Variants in SCYL3 observed in about 807,000 individuals in gnomAD.
The protein encoded by SCYL3 is protein-associating with the carboxyl-terminal domain of ezrin.
A neutral mutation model predicts 73.8 loss-of-function variants in SCYL3; 35 were observed. That is an observed-to-expected ratio of 0.47 (90% CI 0.36 to 0.63). SCYL3 has a LOEUF of 0.63. SCYL3 is among the 20% of genes least tolerant of loss of function. SCYL3 has a pLI of 0.00. For synonymous variants in SCYL3, 277 were observed against 295.2 expected (o/e 0.94, Z 0.63); for missense variants, 712 against 798.9 (o/e 0.89, Z 1.31).
intron 5 of SCYL3, 63 bp downstream of exon 5, chr1:169,873,633 T>C: frequency 8.5e-7 from 1 of 1,181,620 alleles, no homozygotes; most frequent in Non-Finnish European, 1.2e-6. Context: ...AGGAAAGTTT[T>C]TTAAAATTTC....
At position 169,862,776 on chromosome 1, in the gene SCYL3, G is replaced by C; in HGVS notation, c.977C>G (p.Pro326Arg). The C allele has an allele frequency of 6.2e-7, 1 of 1,614,092 alleles. No individual in the cohort carries two copies. Among genetic ancestry groups the C allele is most frequent in the Non-Finnish European group, 8.5e-7 (1 of 1,180,012 alleles). Residue 326 changes from proline (P) to arginine (R), a missense_variant, in exon 10 of 13, where the codon CCT becomes CGT. By Grantham distance (103) the Pro-to-Arg change is moderately radical. Transcript: ENST00000367771. The stretch of plus-strand genomic sequence containing the variant: ...GAACAGGGCTGGTGAGAGCAAGCAA[G>C]GAGTTTCTCCCTGCGCATGATCTAC... ...PKKDHAQGETPCLLSPALFQS... is the reference protein window; with the variant it reads ...PKKDHAQGETRCLLSPALFQS...
rs183777223 is a variant in SCYL3 at position 169,849,726 on chromosome 1, G to A, written c.*3987C>T. 2.4e-3 allele frequency: 1,718 copies of A among 730,648 alleles called. 19 individuals are homozygous for A. Among genetic ancestry groups the A allele is most frequent in the Non-Finnish European group, 9.7e-4 (425 of 437,408 alleles). The allele number at this position is 730,648 out of a possible 1,614,324, so 45.3% of individuals were successfully genotyped here. ...TATTGCAATCGGAAAATTGTCTGAAGGGTACATTACTCGTTATCTCTTTTA... is the reference window on the plus strand; with the variant it reads ...TATTGCAATCGGAAAATTGTCTGAAAGGTACATTACTCGTTATCTCTTTTA... On this transcript the variant is annotated 3_prime_UTR_variant, in exon 13 of 13. Coordinates refer to ENST00000367771, the MANE Select transcript of SCYL3 (RefSeq NM_020423.7).
At chr1:169,889,030 G>A (rs529515541) in intron 1 of SCYL3, 140 bp from the exon 2 acceptor site, 14 of 453,082 alleles carry the variant, frequency 3.1e-5, no homozygotes, top group Admixed American at 1.2e-4. Context: ...AATGGTAAAC[G>A]CTCTGCAAGT....
At chr1:169,881,670 CAT>C (rs1307359583) in intron 2 of SCYL3, among the ~76,000 whole-genome samples, 2 of 152,166 alleles carry the variant, frequency 1.3e-5, no homozygotes, top group Non-Finnish European at 2.9e-5. Flanking sequence ...TTAGATTCCA[CAT>C]GAGTGAGATC....
chr1:169,850,473 G>T lies in SCYL3; in HGVS notation c.*3240C>A, dbSNP rs1430176030. The T allele has an allele frequency of 8.0e-6, 5 of 627,378 alleles. No individual in the cohort carries two copies. Among genetic ancestry groups the T allele is most frequent in the Non-Finnish European group, 1.1e-5 (4 of 360,050 alleles). The allele number at this position is 627,378 out of a possible 1,614,324, so 38.9% of individuals were successfully genotyped here. A position where few individuals can be genotyped will look rare whatever the true frequency, so the allele number is the denominator to read the frequency against. ...TCACAGTGCTGAGCACAGTGCTGACGACTTTTACTAAGCAATTGAGGCCAC... is the reference window on the plus strand; with the variant it reads ...TCACAGTGCTGAGCACAGTGCTGACTACTTTTACTAAGCAATTGAGGCCAC... On this transcript the variant is annotated 3_prime_UTR_variant, in exon 13 of 13. Coordinates refer to ENST00000367771, the MANE Select transcript of SCYL3 (RefSeq NM_020423.7).
At chr1:169,858,943 T>C in intron 11 of SCYL3, 98 bp downstream of exon 11, 1 of 1,038,160 alleles carries the variant, frequency 9.6e-7, no homozygotes, top group African/African-American at 1.7e-5. Flanking sequence ...TACTTCTTTA[T>C]ATCATTTGAC....
Position 169,862,758 on chromosome 1 carries a change from G to A in SCYL3, c.995C>T (p.Ala332Val). 1 of 1,614,210 alleles carries A rather than the reference G, an allele frequency of 6.2e-7. No homozygotes were observed. ...GGGGATCACCCGTGACTGGAACAGG[G>A]CTGGTGAGAGCAAGCAAGGAGTTTC... is the stretch of plus-strand genomic sequence containing the variant. Reference protein sequence around the residue: ...QGETPCLLSPALFQSRVIPVL... With the variant: ...QGETPCLLSPVLFQSRVIPVL... Residue 332 changes from alanine (A) to valine (V), a missense_variant, in exon 10 of 13, where the codon GCC (alanine) becomes GTC (valine). Around this residue, in one of 2 missense-constraint regions of SCYL3, gnomAD observed 342 missense variants for 448.1 expected, o/e 0.76. Transcript: ENST00000367771.
intron 1 of SCYL3, among the ~76,000 whole-genome samples, chr1:169,890,606 C>A (rs182439251): frequency 1.3e-5 from 2 of 152,276 alleles, no homozygotes; most frequent in East Asian, 3.9e-4. Context: ...AAGTGCCTAC[C>A]GATCCACAAC....
At chr1:169,853,917 T>C (rs1290157698) in intron 12 of SCYL3, 145 bp from the exon 13 acceptor site, 2 of 864,420 alleles carry the variant, frequency 2.3e-6, no homozygotes, top group East Asian at 5.1e-5. Flanking sequence ...CTTAGAGCTC[T>C]AACAGAAAGT....
chr1:169,850,571 G>A lies in SCYL3; in HGVS notation c.*3142C>T. The A allele has an allele frequency of 2.5e-6, 1 of 393,124 alleles. No individual in the cohort carries two copies. 24.4% of individuals were successfully genotyped at this position (393,124 alleles called of 1,614,324 possible). The stretch of plus-strand genomic sequence containing the variant: ...CCAGCACTTTGGGAGGCCAAGGTGG[G>A]TGGATCATGAGGTCAGGAGTTCAAG... On this transcript the variant is annotated 3_prime_UTR_variant, in exon 13 of 13. Coordinates refer to ENST00000367771, the MANE Select transcript of SCYL3 (RefSeq NM_020423.7).
chr1:169,887,882 A>C (rs940508151), intron 2 of SCYL3, among the ~76,000 whole-genome samples: 1 of 152,224 alleles, frequency 6.6e-6, no homozygotes, highest in African/African-American at 2.4e-5. Context: ...CCTATGAAAC[A>C]GACATCAATG....
chr1:169,860,163 AC>A, intron 10 of SCYL3: 1 of 152,380 alleles, frequency 6.6e-6, no homozygotes, highest in African/African-American at 2.4e-5. Flanking sequence ...CAAAAGTCAA[AC>A]AAATGCAGAC....
At chr1:169,857,561 C>T (rs1293522102) in intron 11 of SCYL3, among the ~76,000 whole-genome samples, 1 of 152,122 alleles carries the variant, frequency 6.6e-6, no homozygotes, top group Non-Finnish European at 1.5e-5. Context: ...GAAATGGATG[C>T]AGTATCCATG....
chr1:169,870,767 AT>A (rs1456176196), intron 5 of SCYL3, among the ~76,000 whole-genome samples: 9 of 150,386 alleles, frequency 6.0e-5, no homozygotes, highest in Admixed American at 4.0e-4. Flanking sequence ...TTTTTTTTTT[AT>A]AAAATGCTAG....
rs548826349 is a variant in SCYL3 at position 169,852,297 on chromosome 1, A to T, written c.*1416T>A. On this transcript the variant is annotated 3_prime_UTR_variant, in exon 13 of 13. Coordinates refer to ENST00000367771, the MANE Select transcript of SCYL3 (RefSeq NM_020423.7). Reference sequence around the variant, plus strand: ...CCTTATTAATCAAATGAGTCTCCTAATAATTTTTGGCAGTAACTGAAGATC... The same window carrying T: ...CCTTATTAATCAAATGAGTCTCCTATTAATTTTTGGCAGTAACTGAAGATC... 2.9e-5 allele frequency: 9 copies of T among 309,288 alleles called. No individual in the cohort carries two copies. Among genetic ancestry groups the T allele is most frequent in the Non-Finnish European group, 5.5e-5 (9 of 164,164 alleles). 19.2% of individuals were successfully genotyped at this position (309,288 alleles called of 1,614,324 possible).
At chr1:169,890,382 T>C (rs920264569) in intron 1 of SCYL3, among the ~76,000 whole-genome samples, 5 of 152,224 alleles carry the variant, frequency 3.3e-5, no homozygotes, top group East Asian at 1.9e-4. Flanking sequence ...TCTGGCAATG[T>C]AGAAAGCAAA....
intron 1 of SCYL3, among the ~76,000 whole-genome samples, chr1:169,890,462 C>G (rs1411055103): frequency 6.6e-6 from 1 of 152,106 alleles, no homozygotes; most frequent in African/African-American, 2.4e-5. Context: ...ATTCTTTGGA[C>G]AAATATAAAC....
chr1:169,878,725 G>A lies in SCYL3; in HGVS notation c.260C>T (p.Pro87Leu). The A allele has an allele frequency of 1.2e-6, 2 of 1,614,130 alleles. No individual in the cohort carries two copies. Among genetic ancestry groups the A allele is most frequent in the South Asian group, 1.1e-5 (1 of 91,084 alleles). ...CAATGTTTCCAAAGCCACTTCCAGG[G>A]GCTGTACTCGCTCAGTGACAAGATG... ...GIHLVTERVQPLEVALETLSS... is the reference protein window; with the variant it reads ...GIHLVTERVQLLEVALETLSS... Residue 87 changes from proline to leucine, a missense_variant, in exon 3 of 13, where the codon CCC becomes CTC. Coordinates refer to ENST00000367771, the MANE Select transcript of SCYL3 (RefSeq NM_020423.7).
intron 1 of SCYL3, among the ~76,000 whole-genome samples, chr1:169,892,758 G>C (rs143347396): frequency 6.6e-6 from 1 of 152,166 alleles, no homozygotes; most frequent in Non-Finnish European, 1.5e-5. Flanking sequence ...TGTAGATTAA[G>C]AAAACCCTTG....
Sources: gnomAD v4.1 joint callset for allele counts (sites outside exome capture counted in the v4.1 genomes callset) on GRCh38, gnomAD v4.1.1 for gene constraint, gnomAD v4.1.1 regional missense constraint, MANE v1.5 for transcripts, NCBI Gene and HGNC (gene_info 2026-07-23, HGNC 2026-07-21) for gene names.